Variants in SLC23A2 observed in about 807,000 individuals in gnomAD.
SLC23A2 encodes the protein Na(+)/L-ascorbic acid transporter 2.
In SLC23A2, 36 loss-of-function variants were observed where a neutral mutation model predicts 73.3. The ratio of observed to expected loss-of-function variants is 0.49; its 90% confidence interval spans 0.38 to 0.65. The LOEUF is 0.65. Ranked by LOEUF, SLC23A2 falls within the 30% of genes least tolerant of loss-of-function variation. The pLI, the probability that SLC23A2 is intolerant of heterozygous loss-of-function variation, is 0.00. For missense variants in SLC23A2, 507 were observed against 841.6 expected, an observed-to-expected ratio of 0.60 and a Z score of 4.92; for synonymous variants, 343 against 327.3, an observed-to-expected ratio of 1.05 and a Z score of -0.52.
At chr20:4,964,031 G>A (rs527553208) in intron 2 of SLC23A2, among the ~76,000 whole-genome samples, 74 of 147,794 alleles carry the variant, frequency 5.0e-4, no homozygotes, top group African/African-American at 1.8e-3. Flanking sequence ...TTTTGAGATA[G>A]GGTCTCACTC....
In SLC23A2 at chr20:4,883,668, G is replaced by A. The variant is rs145953626; in HGVS notation, c.798C>T (p.Ala266=). The A allele has an allele frequency of 3.5e-4, 562 of 1,612,880 alleles. 1 individual carries two copies. Among genetic ancestry groups the A allele is most frequent in the Non-Finnish European group, 2.4e-4 (287 of 1,179,384 alleles). Residue 266 remains alanine, a synonymous_variant, in exon 9 of 17, where the codon GCC becomes GCT. Transcript: ENST00000338244. The surrounding 1 kb of genome is among the most constrained non-coding windows in gnomAD (Gnocchi z 4.5). ...GCATGGCAATGCCCCAGTGCTTCCC[G>A]GCTCTCTCCCCCGCTGCCTGGAAAC... The part of the protein sequence containing the change: ...LSGFQAAGER[A]GKHWGIAMLT...
In SLC23A2 at chr20:4,853,920, A is replaced by G. The variant is rs531290639; in HGVS notation, c.*3052T>C. ...AATGAAAATTGCTTACAAAGACTAG[A>G]GTCACTTCCCATTATTCTGTGAAGC... On this transcript the variant is annotated 3_prime_UTR_variant, in exon 17 of 17. Coordinates refer to ENST00000338244, the MANE Select transcript of SLC23A2 (RefSeq NM_005116.6). The G allele has an allele frequency of 6.6e-6, 1 of 152,212 alleles. No individual in the cohort carries two copies. The highest frequency in any genetic ancestry group is 1.5e-5 in the Non-Finnish European group (1 of 68,034). The allele number at this position is 152,212 out of a possible 1,614,324, so 9.4% of individuals were successfully genotyped here. A position where few individuals can be genotyped will look rare whatever the true frequency, so the allele number is the denominator to read the frequency against.
intron 13 of SLC23A2, among the ~76,000 whole-genome samples, chr20:4,867,079 A>AAC (rs1353540790): frequency 2.6e-5 from 4 of 151,018 alleles, no homozygotes; most frequent in African/African-American, 9.7e-5. Flanking sequence ...AAAAAAAAAA[A>AAC]AAATCTGACC....
At chr20:4,923,166 G>A (rs1227495663) in intron 3 of SLC23A2, among the ~76,000 whole-genome samples, 1 of 151,712 alleles carries the variant, frequency 6.6e-6, no homozygotes, top group Non-Finnish European at 1.5e-5. Context: ...CAGCACTTTG[G>A]GAGGCCAAGG....
intron 3 of SLC23A2, among the ~76,000 whole-genome samples, chr20:4,918,593 G>A (rs1406663658): frequency 6.6e-6 from 1 of 152,120 alleles, no homozygotes; most frequent in South Asian, 2.1e-4. Flanking sequence ...AAGCAGGAGT[G>A]ACAGAAGTCA....
Position 4,883,366 on chromosome 20 carries a change from A to G in SLC23A2, c.824+276T>C, listed in dbSNP as rs761453168. ...TGGCAAGACCTCAAAAGTCAAAAAC[A>G]AATGGCGCCACTACCTTACCCCACT... On this transcript the variant is annotated intron_variant, in intron 9 of 16. Coordinates refer to ENST00000338244, the MANE Select transcript of SLC23A2 (RefSeq NM_005116.6). The surrounding 1 kb of genome is among the most constrained non-coding windows in gnomAD (Gnocchi z 4.5). Among the ~76,000 whole-genome samples, 3 of 152,186 alleles carry G rather than the reference A, an allele frequency of 2.0e-5. No individual in the cohort carries two copies. Among genetic ancestry groups the G allele is most frequent in the Admixed American group, 6.5e-5 (1 of 15,284 alleles).
chr20:4,969,510 T>C (rs2087529250), intron 2 of SLC23A2, among the ~76,000 whole-genome samples: 1 of 152,060 alleles, frequency 6.6e-6, no homozygotes, highest in African/African-American at 2.4e-5. Context: ...AAAACAACAC[T>C]GACATAACAT....
At chr20:4,908,558 T>C (rs993008450) in intron 4 of SLC23A2, among the ~76,000 whole-genome samples, 1 of 152,218 alleles carries the variant, frequency 6.6e-6, no homozygotes, top group African/African-American at 2.4e-5. Context: ...AGATATTAAA[T>C]ATTTTAAAAT....
chr20:4,959,647 G>A (rs907051006), intron 2 of SLC23A2, among the ~76,000 whole-genome samples: 14 of 151,744 alleles, frequency 9.2e-5, no homozygotes, highest in Admixed American at 5.2e-4. Flanking sequence ...ATAGGTGTGC[G>A]CTACCACACC....
intron 1 of SLC23A2, among the ~76,000 whole-genome samples, chr20:4,991,840 A>T (rs950036258): frequency 6.6e-6 from 1 of 152,174 alleles, no homozygotes; most frequent in Non-Finnish European, 1.5e-5. Context: ...GAACAAGTCA[A>T]TATTATAAAG....
At chr20:4,897,433 T>C (rs1348983823) in intron 6 of SLC23A2, among the ~76,000 whole-genome samples, 1 of 152,102 alleles carries the variant, frequency 6.6e-6, no homozygotes, top group Admixed American at 6.5e-5. Context: ...TCACTCTGAC[T>C]CCTCACAAAC....
chr20:4,913,996 T>C (rs1932245071), intron 3 of SLC23A2, among the ~76,000 whole-genome samples: 1 of 151,820 alleles, frequency 6.6e-6, no homozygotes, highest in Non-Finnish European at 1.5e-5. Flanking sequence ...CAGAGTAATA[T>C]CAAGGAAAAT....
intron 3 of SLC23A2, among the ~76,000 whole-genome samples, chr20:4,914,635 G>A (rs1294604030): frequency 6.6e-6 from 1 of 152,054 alleles, no homozygotes. Flanking sequence ...ATTCAAGGTT[G>A]ATCACTGCTG....
At chr20:4,879,949 C>G (rs112885118) in intron 9 of SLC23A2, among the ~76,000 whole-genome samples, 1 of 152,112 alleles carries the variant, frequency 6.6e-6, no homozygotes, top group African/African-American at 2.4e-5. Flanking sequence ...GAGTCTTTTG[C>G]GCATTTGCAT....
chr20:4,896,035 G>A (rs566152836), intron 6 of SLC23A2, among the ~76,000 whole-genome samples: 3 of 152,282 alleles, frequency 2.0e-5, no homozygotes, highest in East Asian at 1.9e-4. Flanking sequence ...CTGGCCTAGC[G>A]CAAAGATGGG....
At chr20:4,887,143 C>T (rs1416745459) in intron 6 of SLC23A2, among the ~76,000 whole-genome samples, 2 of 152,184 alleles carry the variant, frequency 1.3e-5, no homozygotes, top group Non-Finnish European at 2.9e-5. Context: ...AAACCAGATG[C>T]ATTGCTGTTG....
intron 1 of SLC23A2, among the ~76,000 whole-genome samples, chr20:4,986,180 T>C (rs1340648677): frequency 6.6e-6 from 1 of 152,070 alleles, no homozygotes; most frequent in Non-Finnish European, 1.5e-5. Context: ...GCCTAAAAGG[T>C]TATCTGGCTG....
exon 1 of SLC23A2, chr20:5,010,192 C>T (rs1226358357): frequency 6.6e-6 from 1 of 152,052 alleles, no homozygotes; most frequent in African/African-American, 2.4e-5. Flanking sequence ...CGTATGCCGT[C>T]TGCAAGCTGG....
chr20:4,957,472 T>A (rs1373932567), intron 2 of SLC23A2, among the ~76,000 whole-genome samples: 4 of 147,332 alleles, frequency 2.7e-5, no homozygotes, highest in South Asian at 2.1e-4. Flanking sequence ...AAATTAATTT[T>A]AAAAATAAGA....
Sources: allele counts gnomAD v4.1 joint callset (sites outside exome capture counted in the v4.1 genomes callset), GRCh38; gene constraint gnomAD v4.1.1; non-coding constraint Gnocchi (gnomAD v3.1); transcripts MANE v1.5; gene names NCBI Gene and HGNC (gene_info 2026-07-23, HGNC 2026-07-21).